The following PRKCE variants were observed in gnomAD, a reference collection of about 807,000 sequenced individuals.
The protein encoded by PRKCE is protein kinase C epsilon.
In PRKCE, 16 loss-of-function variants were observed where a neutral mutation model predicts 85.4. That is an observed-to-expected ratio of 0.19 (90% CI 0.13 to 0.28). The LOEUF is 0.28. PRKCE is among the 10% of genes least tolerant of loss of function. The pLI is 1.00. For missense variants in PRKCE, 573 were observed against 975.2 expected, an observed-to-expected ratio of 0.59 and a Z score of 5.49; for synonymous variants, 388 against 371.5, an observed-to-expected ratio of 1.04 and a Z score of -0.51.
At chr2:45,799,194 T>A (rs1687672292) in intron 1 of PRKCE, among the ~76,000 whole-genome samples, 1 of 151,954 alleles carries the variant, frequency 6.6e-6, no homozygotes, top group African/African-American at 2.4e-5. Flanking sequence ...AAGTGAGCAT[T>A]TTCATTCATT....
intron 1 of PRKCE, among the ~76,000 whole-genome samples, chr2:45,654,453 G>A (rs1003004237): frequency 2.0e-5 from 3 of 152,248 alleles, no homozygotes; most frequent in African/African-American, 7.2e-5. Context: ...AGAGAAGCTA[G>A]TTGGGGACCG....
chr2:45,851,345 G>C (rs1482890487), intron 2 of PRKCE, among the ~76,000 whole-genome samples: 1 of 152,224 alleles, frequency 6.6e-6, no homozygotes, highest in African/African-American at 2.4e-5. Context: ...CTTTCTGTAT[G>C]CTAGTTACTC....
intron 11 of PRKCE, among the ~76,000 whole-genome samples, chr2:46,135,346 G>A (rs780417099): frequency 2.0e-5 from 3 of 152,224 alleles, no homozygotes; most frequent in Non-Finnish European, 4.4e-5. Flanking sequence ...ACAACACAGT[G>A]AAGTGATTCA....
intron 1 of PRKCE, among the ~76,000 whole-genome samples, chr2:45,687,890 G>A (rs1677421589): frequency 6.6e-6 from 1 of 152,236 alleles, no homozygotes; most frequent in African/African-American, 2.4e-5. Context: ...TTGCTTTTGT[G>A]CTCTGTTTGG....
Position 46,186,198 on chromosome 2 carries a change from C to G in PRKCE, c.*1317C>G, listed in dbSNP as rs2104754911. On this transcript the variant is annotated 3_prime_UTR_variant, in exon 15 of 15. Transcript: ENST00000306156. ...TGTTATTCTTTCATTTCCAAGGGTT[C>G]TCTGTGGCTTTGTGTATATGTTTCC... The G allele has an allele frequency of 1.3e-5, 2 of 152,656 alleles. 1 individual carries two copies. Among genetic ancestry groups the G allele is most frequent in the South Asian group, 4.2e-4 (2 of 4,810 alleles). The allele number at this position is 152,656 out of a possible 1,614,324, so 9.5% of individuals were successfully genotyped here. A position where few individuals can be genotyped will look rare whatever the true frequency, so the allele number is the denominator to read the frequency against.
At chr2:46,118,633 T>G (rs1673002874) in intron 11 of PRKCE, among the ~76,000 whole-genome samples, 1 of 152,214 alleles carries the variant, frequency 6.6e-6, no homozygotes, top group South Asian at 2.1e-4. Context: ...AGGCTCCCCA[T>G]GCTGTTGTAA....
At position 46,001,826 on chromosome 2, in the gene PRKCE, GA is replaced by G. The variant is rs1222750372; in HGVS notation, c.966+285del. On this transcript the variant is annotated intron_variant, in intron 7 of 14. Coordinates refer to ENST00000306156, the MANE Select transcript of PRKCE (RefSeq NM_005400.3). This position sits in a 1 kb window ranked among gnomAD's most constrained non-coding sequence, Gnocchi z 4.4. ...GATGAGGAATTTGAAATTCCTTCTA[GA>G]AAAAGCTTAACAACTCCATACAAGG... 6.6e-6 allele frequency among the ~76,000 whole-genome samples: 1 copy of G among 152,188 alleles called. No individual in the cohort carries two copies. The highest frequency in any genetic ancestry group is 1.5e-5 in the Non-Finnish European group (1 of 68,026).
intron 11 of PRKCE, among the ~76,000 whole-genome samples, chr2:46,087,759 T>C (rs987606924): frequency 2.0e-5 from 3 of 152,238 alleles, no homozygotes; most frequent in Non-Finnish European, 4.4e-5. Context: ...ATCACGAAGC[T>C]GTGATTGAGG....
chr2:46,137,810 A>G (rs1171094816), intron 11 of PRKCE, among the ~76,000 whole-genome samples: 1 of 151,602 alleles, frequency 6.6e-6, no homozygotes, highest in African/African-American at 2.4e-5. Flanking sequence ...AATTTGACCT[A>G]CCACTGGTCT....
intron 1 of PRKCE, among the ~76,000 whole-genome samples, chr2:45,808,181 G>A (rs1688388884): frequency 6.6e-6 from 1 of 152,072 alleles, no homozygotes; most frequent in Non-Finnish European, 1.5e-5. Context: ...AGAGTTATAA[G>A]TGTCTGGTTG....
chr2:45,852,982 G>C (rs1404936281), intron 2 of PRKCE, among the ~76,000 whole-genome samples: 1 of 152,190 alleles, frequency 6.6e-6, no homozygotes, highest in Non-Finnish European at 1.5e-5. Flanking sequence ...ACTTGGAGTA[G>C]CAGGAGACTG....
rs1573829230 is a variant in PRKCE, at chr2:45,907,073, G to A, written c.412+64010G>A. On this transcript the variant is annotated intron_variant, in intron 2 of 14. Transcript: ENST00000306156. The surrounding 1 kb of genome is among the most constrained non-coding windows in gnomAD (Gnocchi z 4.5). ...AAATTAGGCGTCGGAGGTCTAAGTGGTATAGACGGAAGGAAGGCGGTCAGA... is the reference window on the plus strand; with the variant it reads ...AAATTAGGCGTCGGAGGTCTAAGTGATATAGACGGAAGGAAGGCGGTCAGA... 1.5e-5 allele frequency among the ~76,000 whole-genome samples: 2 copies of A among 130,420 alleles called. No individual in the cohort carries two copies. Among genetic ancestry groups the A allele is most frequent in the South Asian group, 3.1e-4 (1 of 3,210 alleles). The allele number at this position is 130,420 out of a possible 152,430, so 85.6% of individuals were successfully genotyped here.
intron 1 of PRKCE, among the ~76,000 whole-genome samples, chr2:45,794,316 C>G (rs144157435): frequency 6.6e-6 from 1 of 152,078 alleles, no homozygotes; most frequent in African/African-American, 2.4e-5. Flanking sequence ...AATGGAGTGG[C>G]GCACTCTGGG....
At chr2:45,965,788 CT>C (rs1210921659) in intron 2 of PRKCE, among the ~76,000 whole-genome samples, 2 of 151,878 alleles carry the variant, frequency 1.3e-5, no homozygotes, top group Non-Finnish European at 1.5e-5. Flanking sequence ...TGAGTGTATT[CT>C]TTTTTTCTCA....
At chr2:45,653,851 C>T (rs939536901) in intron 1 of PRKCE, among the ~76,000 whole-genome samples, 21 of 152,220 alleles carry the variant, frequency 1.4e-4, no homozygotes, top group African/African-American at 5.1e-4. Context: ...TCCCAGAGAA[C>T]TCCATGCCAT....
intron 2 of PRKCE, among the ~76,000 whole-genome samples, chr2:45,938,900 C>T (rs1044249375): frequency 6.6e-6 from 1 of 152,148 alleles, no homozygotes; most frequent in African/African-American, 2.4e-5. Flanking sequence ...ACATGGTGGG[C>T]ACCTCATTCG....
chr2:45,813,059 C>T (rs566420973), intron 1 of PRKCE, among the ~76,000 whole-genome samples: 2 of 152,254 alleles, frequency 1.3e-5, no homozygotes, highest in African/African-American at 2.4e-5. Context: ...GCCCCGCTGG[C>T]GGCCCAGGAA....
intron 10 of PRKCE, chr2:46,078,109 A>G (rs1668715459): frequency 6.6e-6 from 1 of 152,214 alleles, no homozygotes; most frequent in African/African-American, 2.4e-5. Flanking sequence ...AAAGACAATA[A>G]AACATTTTGG....
chr2:46,036,157 G>A (rs1296317142), intron 10 of PRKCE, among the ~76,000 whole-genome samples: 2 of 152,190 alleles, frequency 1.3e-5, no homozygotes, highest in African/African-American at 4.8e-5. Context: ...TGGCAGGAGT[G>A]TGTCTGGGAC....
Sources: gnomAD v4.1 joint callset for allele counts (sites outside exome capture counted in the v4.1 genomes callset) on GRCh38, gnomAD v4.1.1 for gene constraint, Gnocchi (gnomAD v3.1) non-coding constraint, MANE v1.5 for transcripts, NCBI Gene and HGNC (gene_info 2026-07-23, HGNC 2026-07-21) for gene names.